UNC13C: variants seen among roughly 807,000 people sequenced by gnomAD.
UNC13C encodes the protein unc-13 homolog C, also known as protein unc-13 homolog C.
A neutral mutation model predicts 245.4 loss-of-function variants in UNC13C; 174 were observed. The observed-to-expected ratio is 0.71, with a 90% CI of 0.63 to 0.80. The LOEUF is 0.80. UNC13C is among the 30% of genes least tolerant of loss of function. The pLI is 0.00. For synonymous variants in UNC13C, 992 were observed against 895.1 expected (o/e 1.11, Z -1.93); for missense variants, 2,829 against 2,602.9 (o/e 1.09, Z -1.89).
At chr15:54,595,752 T>C (rs1748881665) in intron 30 of UNC13C, among the ~76,000 whole-genome samples, 3 of 152,242 alleles carry the variant, frequency 2.0e-5, no homozygotes. Flanking sequence ...CATGAAAGTT[T>C]CTCCAGAAAT....
the UNC13C span, among the ~76,000 whole-genome samples, chr15:53,958,302 A>G: frequency 6.6e-6 from 1 of 152,338 alleles, no homozygotes; most frequent in South Asian, 2.1e-4. Flanking sequence ...TCAAATTTCA[A>G]ATGGACTCAG....
At chr15:54,394,932 A>G (rs911069456) in intron 18 of UNC13C, among the ~76,000 whole-genome samples, 1 of 151,948 alleles carries the variant, frequency 6.6e-6, no homozygotes, top group Non-Finnish European at 1.5e-5. Context: ...ATTTAAAATT[A>G]TGAACTAAAT....
chr15:54,171,640 C>T (rs1171682242), intron 4 of UNC13C, among the ~76,000 whole-genome samples: 3 of 151,980 alleles, frequency 2.0e-5, no homozygotes, highest in African/African-American at 4.8e-5. Context: ...AGGGAATCCT[C>T]GTATACTGTT....
chr15:54,559,856 T>C (rs536718142), intron 29 of UNC13C, among the ~76,000 whole-genome samples: 1 of 152,018 alleles, frequency 6.6e-6, no homozygotes, highest in East Asian at 1.9e-4. Flanking sequence ...ACTGGCTGAG[T>C]ATCACAGGGA....
intron 2 of UNC13C, among the ~76,000 whole-genome samples, chr15:54,105,900 C>T (rs1346853915): frequency 6.6e-6 from 1 of 152,172 alleles, no homozygotes; most frequent in Non-Finnish European, 1.5e-5. Context: ...AGCTAGAAGC[C>T]ATCACCATCC....
At chr15:54,056,084 C>T (rs1222845969) in intron 2 of UNC13C, among the ~76,000 whole-genome samples, 1 of 152,060 alleles carries the variant, frequency 6.6e-6, no homozygotes, top group Non-Finnish European at 1.5e-5. Flanking sequence ...CAGCTCCTCA[C>T]CAGCAACGGA....
intron 19 of UNC13C, among the ~76,000 whole-genome samples, chr15:54,479,456 A>G (rs1892979237): frequency 6.6e-6 from 1 of 151,932 alleles, no homozygotes; most frequent in South Asian, 2.1e-4. Flanking sequence ...TTCAGTCTAT[A>G]TGTATCTTTA....
chr15:54,233,100 A>G (rs574239488), intron 4 of UNC13C, among the ~76,000 whole-genome samples: 4 of 152,294 alleles, frequency 2.6e-5, no homozygotes, highest in Non-Finnish European at 5.9e-5. Flanking sequence ...TCAAAAGAGT[A>G]TGTCACCAAT....
At chr15:54,456,517 T>C (rs986809807) in intron 19 of UNC13C, among the ~76,000 whole-genome samples, 1 of 151,970 alleles carries the variant, frequency 6.6e-6, no homozygotes, top group African/African-American at 2.4e-5. Flanking sequence ...GTATCATCTG[T>C]TTCTTTCAGC....
intron 20 of UNC13C, among the ~76,000 whole-genome samples, chr15:54,495,405 A>G (rs1026321030): frequency 7.2e-5 from 11 of 152,048 alleles, no homozygotes; most frequent in Non-Finnish European, 1.3e-4. Flanking sequence ...ATATGTGCTA[A>G]TTTAAGGAGC....
At chr15:54,430,148 T>G (rs1332449015) in intron 19 of UNC13C, among the ~76,000 whole-genome samples, 1 of 151,678 alleles carries the variant, frequency 6.6e-6, no homozygotes, top group African/African-American at 2.4e-5. Flanking sequence ...TAAGTGAAAA[T>G]TTCAGATTCT....
intron 8 of UNC13C, among the ~76,000 whole-genome samples, chr15:54,255,929 A>G (rs1033771512): frequency 3.3e-5 from 5 of 152,174 alleles, no homozygotes; most frequent in Non-Finnish European, 7.3e-5. Flanking sequence ...ATAATGGAGC[A>G]TTTTCAGGTG....
At chr15:53,950,212 C>T in the UNC13C span, among the ~76,000 whole-genome samples, 2 of 152,220 alleles carry the variant, frequency 1.3e-5, no homozygotes, top group East Asian at 1.9e-4. Flanking sequence ...AAGCCCATCA[C>T]GTGGAACAAA....
At chr15:53,969,646 A>G in the UNC13C span, among the ~76,000 whole-genome samples, 7 of 143,836 alleles carry the variant, frequency 4.9e-5, no homozygotes, top group Admixed American at 2.9e-4. Context: ...TGATTGTGCT[A>G]TTGCACTCCA....
intron 2 of UNC13C, among the ~76,000 whole-genome samples, chr15:54,115,346 G>T (rs2141183085): frequency 6.6e-6 from 1 of 152,174 alleles, no homozygotes; most frequent in Non-Finnish European, 1.5e-5. Context: ...GAAACCAGTT[G>T]TGCCAACATT....
chr15:54,559,103 C>T (rs1400802056), intron 29 of UNC13C, among the ~76,000 whole-genome samples: 1 of 152,020 alleles, frequency 6.6e-6, no homozygotes, highest in Admixed American at 6.6e-5. Context: ...CATGCAGTGG[C>T]AATACTGAGG....
chr15:54,473,108 T>A (rs1054892848), intron 19 of UNC13C, among the ~76,000 whole-genome samples: 20 of 151,854 alleles, frequency 1.3e-4, no homozygotes, highest in Non-Finnish European at 2.8e-4. Context: ...AGTGAGAACA[T>A]GTGGTATTTG....
chr15:54,182,297 G>A (rs2033829143), intron 4 of UNC13C, among the ~76,000 whole-genome samples: 1 of 152,036 alleles, frequency 6.6e-6, no homozygotes, highest in African/African-American at 2.4e-5. Flanking sequence ...ACGATCATAT[G>A]ATTTTCATTT....
At chr15:54,602,416 G>A (rs1259773151) in intron 30 of UNC13C, among the ~76,000 whole-genome samples, 1 of 152,150 alleles carries the variant, frequency 6.6e-6, no homozygotes, top group Non-Finnish European at 1.5e-5. Context: ...TTTCATGGAA[G>A]TGAGAAACAG....
Sources: gnomAD v4.1 joint callset for allele counts (sites outside exome capture counted in the v4.1 genomes callset) on GRCh38, gnomAD v4.1.1 for gene constraint, MANE v1.5 for transcripts, NCBI Gene and HGNC (gene_info 2026-07-23, HGNC 2026-07-21) for gene names.